The following MAN1C1 variants were observed in gnomAD, a reference collection of about 807,000 sequenced individuals.
MAN1C1 encodes the protein mannosidase alpha class 1C member 1.
A neutral mutation model predicts 71.5 loss-of-function variants in MAN1C1; 49 were observed. The ratio of observed to expected loss-of-function variants is 0.69; its 90% CI spans 0.54 to 0.87. The LOEUF is 0.87. Among genes scored for constraint, MAN1C1 ranks in the 40% least tolerant of loss-of-function variants. MAN1C1 has a pLI of 0.00. For missense variants in MAN1C1, 743 were observed against 835.0 expected (o/e 0.89, Z 1.36); for synonymous variants, 352 against 343.7 (o/e 1.02, Z -0.27).
At chr1:25,624,998 ATTTT>A (rs1032269792) in intron 1 of MAN1C1, among the ~76,000 whole-genome samples, 260 of 101,568 alleles carry the variant, frequency 2.6e-3, no homozygotes, top group Non-Finnish European at 4.2e-3. Flanking sequence ...AAATGCACAG[ATTTT>A]TTTTTTTTTT....
intron 2 of MAN1C1, among the ~76,000 whole-genome samples, chr1:25,713,285 G>T (rs913873766): frequency 6.6e-6 from 1 of 152,230 alleles, no homozygotes; most frequent in Non-Finnish European, 1.5e-5. Flanking sequence ...GGGTGCTTTT[G>T]TGTTACCACA....
At position 25,675,591 on chromosome 1, in the gene MAN1C1, G is replaced by A. The variant is rs879716987; in HGVS notation, c.541-10849G>A. 3.3e-4 allele frequency among the ~76,000 whole-genome samples: 47 copies of A among 143,726 alleles called. 3 individuals are homozygous for A. The East Asian group carries it at 7.2e-3, about 22-fold the overall frequency. 94.3% of individuals were successfully genotyped at this position (143,726 alleles called of 152,430 possible). A position where few individuals can be genotyped will look rare whatever the true frequency, so the allele number is the denominator to read the frequency against. On this transcript the variant is annotated intron_variant, in intron 1 of 11. Transcript: ENST00000374332. ...ATATAATGACTTATTTTGCGGGGGG[G>A]GGGGGAGGTGGTTACCCAGTGTGGG...
chr1:25,658,536 T>C (rs1419403997), intron 1 of MAN1C1, among the ~76,000 whole-genome samples: 1 of 152,096 alleles, frequency 6.6e-6, no homozygotes, highest in African/African-American at 2.4e-5. Flanking sequence ...CTGCAACCTC[T>C]GCCTCCCAGG....
At chr1:25,771,536 G>A (rs938544554) in intron 7 of MAN1C1, 121 bp from the exon 8 acceptor site, 28 of 700,218 alleles carry the variant, frequency 4.0e-5, no homozygotes, top group Middle Eastern at 4.0e-4. Flanking sequence ...CTGCTGGCGA[G>A]ATGCCCGCTT....
intron 1 of MAN1C1, among the ~76,000 whole-genome samples, chr1:25,640,394 G>A (rs2045521150): frequency 6.6e-6 from 1 of 152,140 alleles, no homozygotes; most frequent in Admixed American, 6.5e-5. Flanking sequence ...AGACATTTCA[G>A]CACCTTTTCT....
In MAN1C1 at chr1:25,617,575, G is replaced by C; in HGVS notation, c.-223G>C. 1 of 400,278 alleles carries C rather than the reference G, an allele frequency of 2.5e-6. No homozygotes were observed. 24.8% of individuals were successfully genotyped at this position (400,278 alleles called of 1,614,324 possible). On this transcript the variant is annotated 5_prime_UTR_variant, in exon 1 of 12. Transcript: ENST00000374332. This position sits in a 1 kb window ranked among gnomAD's most constrained non-coding sequence, Gnocchi z 5.1. ...CCAAGCCGTGCCGCTCCGCTCGCCCGGGCCCCGCCGAGGCCGCTGCGCCCC... is the reference window on the plus strand; with the variant it reads ...CCAAGCCGTGCCGCTCCGCTCGCCCCGGCCCCGCCGAGGCCGCTGCGCCCC...
intron 7 of MAN1C1, among the ~76,000 whole-genome samples, chr1:25,767,921 CCA>C (rs1173845507): frequency 1.5e-5 from 1 of 68,188 alleles, no homozygotes; most frequent in Non-Finnish European, 2.6e-5. Flanking sequence ...ACACACTCCC[CCA>C]CACAGACCCA....
At chr1:25,618,417 C>T (rs2045149910) in intron 1 of MAN1C1, 80 bp downstream of exon 1, 3 of 1,387,008 alleles carry the variant, frequency 2.2e-6, no homozygotes, top group East Asian at 2.6e-5. Context: ...CCACCCCTTT[C>T]CCTTGCCTCA....
intron 7 of MAN1C1, among the ~76,000 whole-genome samples, chr1:25,767,651 C>CCCACACACAGACCCACACAGCCA (rs2047457063): frequency 8.0e-6 from 1 of 125,728 alleles, no homozygotes; most frequent in African/African-American, 3.1e-5. Context: ...CACACTCCCC[C>CCCACACACAGACCCACACAGCCA]CACACACAGA....
rs116505964 is a variant in MAN1C1 at position 25,693,937 on chromosome 1, A to G, written c.637+7401A>G. Among the ~76,000 whole-genome samples, 1,057 of 152,356 alleles carry G rather than the reference A, an allele frequency of 6.9e-3. 16 individuals are homozygous for G. The highest frequency in any genetic ancestry group is 0.024 in the African/African-American group (1,000 of 41,574). ...TTGATGGGTGTAAAACACCTGGTGT[A>G]TAGTACCTGCCCATATACATTCATA... On this transcript the variant is annotated intron_variant, in intron 2 of 11. Transcript: ENST00000374332.
chr1:25,677,399 A>G (rs538587526), intron 1 of MAN1C1, among the ~76,000 whole-genome samples: 1 of 148,060 alleles, frequency 6.8e-6, no homozygotes, highest in Non-Finnish European at 1.5e-5. Flanking sequence ...GCCACCCTCT[A>G]TCTCTAGCAG....
At chr1:25,676,840 A>C (rs896560074) in intron 1 of MAN1C1, among the ~76,000 whole-genome samples, 4 of 152,192 alleles carry the variant, frequency 2.6e-5, no homozygotes, top group Admixed American at 6.5e-5. Flanking sequence ...AGAATGTCTC[A>C]ATATTCAATG....
At chr1:25,748,858 T>C (rs2047173534) in intron 3 of MAN1C1, among the ~76,000 whole-genome samples, 1 of 152,156 alleles carries the variant, frequency 6.6e-6, no homozygotes, top group African/African-American at 2.4e-5. Context: ...CCTTGCTGTC[T>C]TCCTGCTGAG....
intron 1 of MAN1C1, among the ~76,000 whole-genome samples, chr1:25,666,460 G>A (rs2045926059): frequency 2.0e-5 from 3 of 152,224 alleles, no homozygotes; most frequent in Non-Finnish European, 2.9e-5. Flanking sequence ...GTTCACAAAC[G>A]GAACACCAAG....
intron 6 of MAN1C1, chr1:25,761,361 A>G (rs1345113234): frequency 6.6e-6 from 1 of 152,152 alleles, no homozygotes; most frequent in Non-Finnish European, 1.5e-5. Flanking sequence ...GAAACTGCCA[A>G]TATTGGACCT....
chr1:25,768,068 CACACA>C (rs765440682), intron 7 of MAN1C1, among the ~76,000 whole-genome samples: 5 of 37,504 alleles, frequency 1.3e-4, no homozygotes, highest in Non-Finnish European at 2.7e-4. Context: ...CTCACACACA[CACACA>C]CTCCCCCCCA....
chr1:25,742,107 G>T (rs565130056), intron 2 of MAN1C1, among the ~76,000 whole-genome samples: 5 of 152,330 alleles, frequency 3.3e-5, no homozygotes, highest in Admixed American at 1.3e-4. Context: ...AACCAGTTCA[G>T]GCTGCCCCTG....
chr1:25,731,145 C>T (rs926472210), intron 2 of MAN1C1, among the ~76,000 whole-genome samples: 1 of 152,148 alleles, frequency 6.6e-6, no homozygotes, highest in Admixed American at 6.5e-5. Flanking sequence ...GGCGAAACCC[C>T]GTCTGTACAA....
intron 2 of MAN1C1, among the ~76,000 whole-genome samples, chr1:25,691,059 G>T (rs948510934): frequency 6.6e-6 from 1 of 152,204 alleles, no homozygotes; most frequent in Non-Finnish European, 1.5e-5. Flanking sequence ...GCTTACACCC[G>T]TAGTCCCAGC....
Sources: allele counts gnomAD v4.1 joint callset (sites outside exome capture counted in the v4.1 genomes callset), GRCh38; gene constraint gnomAD v4.1.1; non-coding constraint Gnocchi (gnomAD v3.1); transcripts MANE v1.5; gene names NCBI Gene and HGNC (gene_info 2026-07-23, HGNC 2026-07-21).